Variants in FKBP6 observed in about 807,000 individuals in gnomAD.
The protein encoded by FKBP6 is inactive peptidyl-prolyl cis-trans isomerase FKBP6.
In FKBP6, 29 loss-of-function variants were observed where a neutral mutation model predicts 41.7. The ratio of observed to expected loss-of-function variants is 0.70; its 90% CI spans 0.52 to 0.95. FKBP6 has a LOEUF of 0.95. Ranked by LOEUF, FKBP6 falls within the 40% of genes least tolerant of loss-of-function variation. The pLI is 0.00. For synonymous variants in FKBP6, 130 were observed against 165.1 expected, an observed-to-expected ratio of 0.79 and a Z score of 1.63; for missense variants, 338 against 408.7, an observed-to-expected ratio of 0.83 and a Z score of 1.49.
chr7:73,328,828 A>T, intron 2 of FKBP6, 136 bp downstream of exon 2: 1 of 1,508,586 alleles, frequency 6.6e-7, no homozygotes, highest in Non-Finnish European at 9.2e-7. Flanking sequence ...TTTGTTTTTG[A>T]AACGGGGTCT....
intron 8 of FKBP6, among the ~76,000 whole-genome samples, chr7:73,349,899 C>G (rs957918974): frequency 6.6e-6 from 1 of 152,144 alleles, no homozygotes; most frequent in African/African-American, 2.4e-5. Context: ...AAGGTTGCTT[C>G]GGCCCTTCCC....
chr7:73,339,612 CTTTTT>C (rs781918379), intron 5 of FKBP6, among the ~76,000 whole-genome samples: 1 of 129,054 alleles, frequency 7.7e-6, no homozygotes, highest in Non-Finnish European at 1.7e-5. Flanking sequence ...CCATGTGACT[CTTTTT>C]TTTTTTTTTT....
intron 5 of FKBP6, among the ~76,000 whole-genome samples, chr7:73,339,463 C>T (rs1341571217): frequency 3.9e-5 from 6 of 152,062 alleles, no homozygotes; most frequent in Non-Finnish European, 7.3e-5. Flanking sequence ...GCTACACTGG[C>T]GTAATTACTG....
At chr7:73,340,871 G>A (rs200585531) in intron 6 of FKBP6, 39 bp downstream of exon 6, 3 of 1,442,888 alleles carry the variant, frequency 2.1e-6, no homozygotes, top group Admixed American at 3.4e-5. Flanking sequence ...AAACACCCAG[G>A]AAAAGGTAGT....
rs782482354 is a variant in FKBP6 at position 73,341,374 on chromosome 7, A to T, written c.885A>T (p.Lys295Asn). The change falls in exon 7 of 9, where the codon AAA becomes AAT. Residue 295 changes from lysine to asparagine, a missense_variant. Physicochemically the swap from Lys to Asn is moderately conservative, Grantham distance 94. Around this residue, in one of 2 missense-constraint regions of FKBP6, gnomAD observed 239 missense variants for 250.1 expected, o/e 0.96. Coordinates refer to ENST00000252037, the MANE Select transcript of FKBP6 (RefSeq NM_003602.5). Reference sequence around the variant, plus strand: ...ATGACATCAATAATGAGCTGAAGAAACTGGCTAGGTGAGCTGTGTTTGCAG... The same window carrying T: ...ATGACATCAATAATGAGCTGAAGAATCTGGCTAGGTGAGCTGTGTTTGCAG... Reference protein sequence around the residue: ...FNHDINNELKKLASCYRDYVD... With the variant: ...FNHDINNELKNLASCYRDYVD... 1 of 1,597,430 alleles carries T rather than the reference A, an allele frequency of 6.3e-7. No individual in the cohort carries two copies. The highest frequency in any genetic ancestry group is 1.3e-5 in the African/African-American group (1 of 74,696).
At chr7:73,332,830 CCAT>C (rs1168201607) in intron 5 of FKBP6, among the ~76,000 whole-genome samples, 2 of 152,194 alleles carry the variant, frequency 1.3e-5, no homozygotes, top group Non-Finnish European at 2.9e-5. Flanking sequence ...CACCCCTTTG[CCAT>C]CATCATTTCA....
At chr7:73,343,845 C>T (rs782582343) in intron 8 of FKBP6, among the ~76,000 whole-genome samples, 33 of 152,204 alleles carry the variant, frequency 2.2e-4, no homozygotes, top group Non-Finnish European at 3.2e-4. Context: ...AGCTGCTGAA[C>T]GGGCTCATGG....
intron 8 of FKBP6, among the ~76,000 whole-genome samples, chr7:73,346,171 A>T (rs1805327434): frequency 1.3e-5 from 2 of 152,340 alleles, no homozygotes; most frequent in Non-Finnish European, 1.5e-5. Flanking sequence ...GTTCCCAAAC[A>T]TACCAAATGC....
intron 5 of FKBP6, among the ~76,000 whole-genome samples, chr7:73,333,653 C>G (rs1804917120): frequency 6.6e-6 from 1 of 152,248 alleles, no homozygotes; most frequent in Non-Finnish European, 1.5e-5. Context: ...TGGGGCTGCC[C>G]TATAATGCTA....
chr7:73,328,311 G>A lies in FKBP6; in HGVS notation c.-118G>A, dbSNP rs1563307892. ...CGTGGCCCCAGAATGGAATGCCGCC[G>A]TCGGTAGGGGTCTGCCGGGCATAAA... On this transcript the variant is annotated 5_prime_UTR_variant, in exon 1 of 9. Transcript: ENST00000252037. The A allele has an allele frequency of 1.9e-6, 3 of 1,549,252 alleles. No homozygotes were observed. Among genetic ancestry groups the A allele is most frequent in the Non-Finnish European group, 2.6e-6 (3 of 1,146,584 alleles).
intron 5 of FKBP6, among the ~76,000 whole-genome samples, chr7:73,338,894 G>A (rs978895503): frequency 6.6e-6 from 1 of 152,194 alleles, no homozygotes; most frequent in Admixed American, 6.5e-5. Context: ...CACAGGATGC[G>A]CAAATGCTCT....
At chr7:73,329,517 G>T (rs782811587) in intron 3 of FKBP6, 68 bp downstream of exon 3, 26 of 988,436 alleles carry the variant, frequency 2.6e-5, no homozygotes, top group Non-Finnish European at 4.3e-5. Context: ...GATGCCTCAG[G>T]CTGGGAAGAC....
intron 8 of FKBP6, among the ~76,000 whole-genome samples, chr7:73,348,837 G>T (rs1805406024): frequency 6.6e-6 from 1 of 152,198 alleles, no homozygotes; most frequent in African/African-American, 2.4e-5. Context: ...AGACATGGTG[G>T]CTGAGGCCTG....
chr7:73,328,707 G>A lies in FKBP6; in HGVS notation c.175+15G>A, dbSNP rs782283718. ...TTCGGTGCTAGGTACGCCCTGGGGCGGTTTGTCCTCAGGATCCATGTCATC... is the reference window on the plus strand; with the variant it reads ...TTCGGTGCTAGGTACGCCCTGGGGCAGTTTGTCCTCAGGATCCATGTCATC... On this transcript the variant is annotated intron_variant, in intron 2 of 8. Transcript: ENST00000252037. 4 of 1,611,810 alleles carry A rather than the reference G, an allele frequency of 2.5e-6. No homozygotes were observed. Among genetic ancestry groups the A allele is most frequent in the African/African-American group, 2.7e-5 (2 of 74,826 alleles).
intron 8 of FKBP6, among the ~76,000 whole-genome samples, chr7:73,357,920 A>G (rs1175913276): frequency 2.0e-5 from 3 of 151,354 alleles, no homozygotes; most frequent in African/African-American, 7.3e-5. Flanking sequence ...CCCGGGAGGC[A>G]GAGGTTGCAG....
intron 8 of FKBP6, among the ~76,000 whole-genome samples, chr7:73,343,683 G>A (rs1472614579): frequency 6.6e-6 from 1 of 152,174 alleles, no homozygotes; most frequent in Non-Finnish European, 1.5e-5. Context: ...GAGTTCCCAA[G>A]CACATGAGAT....
intron 8 of FKBP6, among the ~76,000 whole-genome samples, chr7:73,352,164 A>G (rs1805507028): frequency 6.6e-6 from 1 of 151,920 alleles, no homozygotes; most frequent in Admixed American, 6.6e-5. Context: ...GGGTCTCATT[A>G]TATTTCCTAG....
rs1038879589 is a variant in FKBP6 at position 73,340,941 on chromosome 7, T to A, written c.783+109T>A. ...TCTTTTTTTTTTTTTTTTTTTTTTT[T>A]AGACAGAGTTTTGCTCTTGTTGCCC... On this transcript the variant is annotated intron_variant, in intron 6 of 8. Transcript: ENST00000252037. 88 of 767,300 alleles carry A rather than the reference T, an allele frequency of 1.1e-4. No homozygotes were observed. In the East Asian group the frequency reaches 2.0e-3, roughly 17 times the overall value. The allele number at this position is 767,300 out of a possible 1,614,324, so 47.5% of individuals were successfully genotyped here.
chr7:73,357,027 C>G (rs1210900116), intron 8 of FKBP6, among the ~76,000 whole-genome samples: 4 of 152,146 alleles, frequency 2.6e-5, no homozygotes, highest in Non-Finnish European at 4.4e-5. Context: ...GTGATCCCCC[C>G]CAGCTTGGCC....
Sources: gnomAD v4.1 joint callset for allele counts (sites outside exome capture counted in the v4.1 genomes callset) on GRCh38, gnomAD v4.1.1 for gene constraint, gnomAD v4.1.1 regional missense constraint, MANE v1.5 for transcripts, NCBI Gene and HGNC (gene_info 2026-07-23, HGNC 2026-07-21) for gene names.